The following LRRC49 variants were observed in gnomAD, a reference collection of about 807,000 sequenced individuals.
LRRC49 encodes the protein leucine-rich repeat-containing protein 49.
In LRRC49, 50 loss-of-function variants were observed where a neutral mutation model predicts 83.3. The observed-to-expected ratio is 0.60, with a 90% confidence interval of 0.48 to 0.76. The LOEUF (loss-of-function observed/expected upper bound fraction) is 0.76, where lower values mean the gene tolerates loss of function less well. Ranked by LOEUF, LRRC49 falls within the 30% of genes least tolerant of loss-of-function variation. The pLI is 0.00. For synonymous variants in LRRC49, 286 were observed against 283.3 expected (o/e 1.01, Z -0.10); for missense variants, 704 against 809.1 (o/e 0.87, Z 1.58).
At chr15:71,015,725 A>G (rs2038804908) in intron 14 of LRRC49, among the ~76,000 whole-genome samples, 1 of 152,234 alleles carries the variant, frequency 6.6e-6, no homozygotes, top group South Asian at 2.1e-4. Flanking sequence ...ACTTGTTCAT[A>G]GTAACTTAGC....
chr15:70,858,674 G>A (rs1377069124), intron 1 of LRRC49: 36 of 582,214 alleles, frequency 6.2e-5, no homozygotes, highest in Non-Finnish European at 7.5e-5. Flanking sequence ...TGGAATCTCC[G>A]CCTGGTTCAG....
rs775068805 is a variant in LRRC49 at position 71,009,865 on chromosome 15, A to G, written c.1466A>G (p.Gln489Arg). The G allele has an allele frequency of 6.2e-7, 1 of 1,612,682 alleles. No homozygotes were observed. Among genetic ancestry groups the G allele is most frequent in the Admixed American group, 1.7e-5 (1 of 59,934 alleles). The change falls in exon 13 of 16, where the codon CAA becomes CGA. Residue 489 changes from glutamine (Q) to arginine (R), a missense_variant. Around this residue, in one of 3 missense-constraint regions of LRRC49, gnomAD observed 275 missense variants for 338.0 expected, o/e 0.81. Coordinates refer to ENST00000260382, the MANE Select transcript of LRRC49 (RefSeq NM_017691.5). ...VMLQQFNALA[Q>R]LRRIDQLTID... is the part of the protein sequence containing the mutation. ...CTGCAGCAATTTAACGCACTAGCCC[A>G]ACTCCGTCGTATTGACCAGTTGACA... is the stretch of plus-strand genomic sequence containing the variant.
chr15:71,022,836 C>T (rs1032142984), intron 14 of LRRC49, among the ~76,000 whole-genome samples: 3 of 152,108 alleles, frequency 2.0e-5, no homozygotes, highest in Non-Finnish European at 4.4e-5. Flanking sequence ...GAGAACATTG[C>T]CCCCAGCAAC....
upstream of LRRC49, among the ~76,000 whole-genome samples, chr15:70,888,790 G>A (rs182700660): frequency 8.5e-5 from 13 of 152,118 alleles, no homozygotes; most frequent in African/African-American, 3.1e-4. Context: ...CAGAAAAATG[G>A]GCTAGATTTA....
chr15:70,882,297 G>A (rs938601929), intron 2 of LRRC49: 18 of 606,814 alleles, frequency 3.0e-5, no homozygotes, highest in African/African-American at 7.4e-5. Context: ...TCATTGTGTT[G>A]GCAAGCAAGC....
At chr15:70,874,601 G>C (rs745624816) in intron 2 of LRRC49, among the ~76,000 whole-genome samples, 1 of 152,188 alleles carries the variant, frequency 6.6e-6, no homozygotes, top group Non-Finnish European at 1.5e-5. Flanking sequence ...CCACTAATCA[G>C]TTATGTGAGT....
chr15:70,959,536 GGGAAGGAAGGAAGGAA>G (rs375526332), intron 8 of LRRC49, among the ~76,000 whole-genome samples: 22,881 of 79,460 alleles, frequency 0.29, 3,609 homozygotes, highest in East Asian at 0.53. Context: ...GAGGAAAGGA[GGGAAGGAAGGAAGGAA>G]GGAAGGAAGG....
chr15:71,042,815 G>T (rs1411531304), intron 15 of LRRC49, among the ~76,000 whole-genome samples: 2 of 152,146 alleles, frequency 1.3e-5, no homozygotes, highest in Non-Finnish European at 2.9e-5. Flanking sequence ...GGACTTTAAA[G>T]AATCTAATGC....
upstream of LRRC49, chr15:70,891,984 G>A (rs754330488): frequency 5.0e-6 from 8 of 1,613,394 alleles, no homozygotes; most frequent in East Asian, 6.7e-5. Flanking sequence ...CCCCTCTTAG[G>A]TGCCGGGGCG....
In LRRC49 at chr15:70,895,887, C is replaced by A; in HGVS notation, c.144C>A (p.Pro48=). The change falls in exon 3 of 16, where the codon CCC becomes CCA. Residue 48 remains proline (P), a synonymous_variant. Coordinates refer to ENST00000260382, the MANE Select transcript of LRRC49 (RefSeq NM_017691.5). The part of the protein sequence containing the change: ...FKLNKDTSSF[P]GRLLQHDLER... ...TAAATAAAGACACATCGTCATTCCC[C>A]GGTAGACTTTTACAACATGACCTTG... 6.2e-7 allele frequency: 1 copy of A among 1,611,260 alleles called. No individual in the cohort carries two copies. Among genetic ancestry groups the A allele is most frequent in the South Asian group, 1.1e-5 (1 of 90,590 alleles).
At chr15:70,888,733 G>C (rs1367770101), upstream of LRRC49, among the ~76,000 whole-genome samples, 1 of 152,108 alleles carries the variant, frequency 6.6e-6, no homozygotes, top group African/African-American at 2.4e-5. Context: ...CTTCCAGGTA[G>C]AATCTATTAA....
chr15:70,998,650 C>G (rs546609180), intron 11 of LRRC49, among the ~76,000 whole-genome samples: 21 of 152,082 alleles, frequency 1.4e-4, no homozygotes, highest in African/African-American at 5.1e-4. Context: ...TATAATGTGT[C>G]TTGGTGTGGA....
At chr15:70,894,580 C>G in intron 2 of LRRC49, 1 of 1,262,610 alleles carries the variant, frequency 7.9e-7, no homozygotes, top group African/African-American at 1.5e-5. Context: ...AGCATTTATA[C>G]TTACCTACTT....
intron 15 of LRRC49, among the ~76,000 whole-genome samples, chr15:71,043,320 A>G (rs1472570636): frequency 6.6e-6 from 1 of 152,226 alleles, no homozygotes; most frequent in Non-Finnish European, 1.5e-5. Flanking sequence ...AACCATCTTC[A>G]TAACAACAAA....
At chr15:70,988,996 T>C (rs2037750229) in intron 11 of LRRC49, among the ~76,000 whole-genome samples, 3 of 152,234 alleles carry the variant, frequency 2.0e-5, no homozygotes, top group South Asian at 4.1e-4. Context: ...GAGTTTCTGC[T>C]GAGAGATCTG....
intron 14 of LRRC49, among the ~76,000 whole-genome samples, chr15:71,033,780 A>G (rs1248978769): frequency 7.9e-5 from 12 of 152,178 alleles, no homozygotes; most frequent in Admixed American, 7.9e-4. Flanking sequence ...AAAAACCAGC[A>G]ATGGGGAAGG....
At chr15:70,899,877 G>A (rs966310049) in intron 3 of LRRC49, among the ~76,000 whole-genome samples, 1 of 152,086 alleles carries the variant, frequency 6.6e-6, no homozygotes, top group African/African-American at 2.4e-5. Context: ...ATCAGTTGCT[G>A]CTTTCAGAAG....
In LRRC49 at chr15:71,015,670, A is replaced by C. The variant is rs568012561; in HGVS notation, c.1703+2757A>C. On this transcript the variant is annotated intron_variant, in intron 14 of 15. Coordinates refer to ENST00000260382, the MANE Select transcript of LRRC49 (RefSeq NM_017691.5). ...AACCCCTGATATACAGCATAGCAAA[A>C]TAGAGTTCTTACATACTTTTGGTGG... Among the ~76,000 whole-genome samples the C allele has an allele frequency of 2.0e-5, 3 of 152,340 alleles. No individual in the cohort carries two copies. In the East Asian group the frequency reaches 5.8e-4, roughly 29 times the overall value.
At chr15:71,034,971 G>A (rs921277478) in intron 14 of LRRC49, among the ~76,000 whole-genome samples, 4 of 152,110 alleles carry the variant, frequency 2.6e-5, no homozygotes, top group Non-Finnish European at 5.9e-5. Flanking sequence ...GTTGATAGGT[G>A]CAGCAAACCA....
Sources: gnomAD v4.1 joint callset for allele counts (sites outside exome capture counted in the v4.1 genomes callset) on GRCh38, gnomAD v4.1.1 for gene constraint, gnomAD v4.1.1 regional missense constraint, MANE v1.5 for transcripts, NCBI Gene and HGNC (gene_info 2026-07-23, HGNC 2026-07-21) for gene names.